Variants in PACS2 observed in about 807,000 individuals in gnomAD.
PACS2 encodes PACS1-like protein.
In PACS2, 36 loss-of-function variants were observed where a neutral mutation model predicts 113.0. The observed-to-expected ratio is 0.32, with a 90% CI of 0.24 to 0.42. The LOEUF (loss-of-function observed/expected upper bound fraction) is 0.42, where lower values mean the gene tolerates loss of function less well. Ranked by LOEUF, PACS2 falls within the 10% of genes least tolerant of loss-of-function variation. The pLI is 1.00. For synonymous variants in PACS2, 589 were observed against 536.1 expected, an observed-to-expected ratio of 1.10 and a Z score of -1.36; for missense variants, 1,015 against 1,239.5, an observed-to-expected ratio of 0.82 and a Z score of 2.72.
intron 8 of PACS2, among the ~76,000 whole-genome samples, chr14:105,375,799 G>A (rs1490884705): frequency 6.6e-6 from 1 of 152,206 alleles, no homozygotes; most frequent in Non-Finnish European, 1.5e-5. Context: ...ACACACACAT[G>A]CATGGACCCA....
At position 105,367,239 on chromosome 14, in the gene PACS2, C is replaced by T. The variant is rs2060972833; in HGVS notation, c.450C>T (p.Gly150=). 1 of 1,613,066 alleles carries T rather than the reference C, an allele frequency of 6.2e-7. No homozygotes were observed. The highest frequency in any genetic ancestry group is 8.5e-7 in the Non-Finnish European group (1 of 1,179,980). ...TGATGCAACACCCGTCTGAAGGTGG[C>T]CAGGTGCTGAGCCTCTGCAGCAGCA... ...AEVMQHPSEG[G]QVLSLCSSIK... The change falls in exon 5 of 25, where the codon GGC becomes GGT. Residue 150 remains glycine (G), a synonymous_variant. Transcript: ENST00000447393.
rs1455137682 is a variant in PACS2 at position 105,333,064 on chromosome 14, CT to C, written c.120-15428del. Among the ~76,000 whole-genome samples, 3 of 152,230 alleles carry C rather than the reference CT, an allele frequency of 2.0e-5. No homozygotes were observed. In the East Asian group the frequency reaches 5.8e-4, roughly 29 times the overall value. On this transcript the variant is annotated intron_variant, in intron 1 of 24. Coordinates refer to ENST00000447393, the MANE Select transcript of PACS2 (RefSeq NM_001100913.3). Reference sequence around the variant, plus strand: ...CCCTGGGGGTGGATGCAGACCGAGCCTGGGCCCATGTAGACCAACTGGCGTG... The same window carrying C: ...CCCTGGGGGTGGATGCAGACCGAGCCGGGCCCATGTAGACCAACTGGCGTG...
At chr14:105,326,487 G>A (rs1288653928) in intron 1 of PACS2, among the ~76,000 whole-genome samples, 7 of 152,248 alleles carry the variant, frequency 4.6e-5, no homozygotes, top group Admixed American at 3.3e-4. Context: ...TGGGCTGTTC[G>A]TTCCTCTGAG....
In PACS2 at chr14:105,395,778, G is replaced by A. The variant is rs2081512377; in HGVS notation, c.*1106G>A. On this transcript the variant is annotated 3_prime_UTR_variant, in exon 25 of 25. Transcript: ENST00000447393. ...CAGAGCGTGTTGGGTCCCATGTTGT[G>A]TGTGGGTTCCATGCCCTCCACACAG... 6.6e-6 allele frequency: 1 copy of A among 152,330 alleles called. No individual in the cohort carries two copies. The highest frequency in any genetic ancestry group is 6.5e-5 in the Admixed American group (1 of 15,288). 9.4% of individuals were successfully genotyped at this position (152,330 alleles called of 1,614,324 possible). A position where few individuals can be genotyped will look rare whatever the true frequency, so the allele number is the denominator to read the frequency against.
chr14:105,337,970 G>A (rs1018532860), intron 1 of PACS2, among the ~76,000 whole-genome samples: 3 of 152,240 alleles, frequency 2.0e-5, no homozygotes, highest in Non-Finnish European at 2.9e-5. Context: ...TCATGCACAG[G>A]AGTGGGTGGG....
chr14:105,393,939 G>A (rs1366537704), intron 24 of PACS2, among the ~76,000 whole-genome samples: 1 of 151,636 alleles, frequency 6.6e-6, no homozygotes, highest in Admixed American at 6.6e-5. Context: ...CGCAGAGGCT[G>A]AGGCAGGAGA....
chr14:105,383,915 G>A (rs2081082718), intron 16 of PACS2: 1 of 273,486 alleles, frequency 3.7e-6, no homozygotes, highest in African/African-American at 2.2e-5. Flanking sequence ...AATCGTCCAG[G>A]TCCTGTGTCG....
At chr14:105,372,901 CAAAAAAA>C (rs1194293617) in intron 8 of PACS2, 2 of 135,376 alleles carry the variant, frequency 1.5e-5, no homozygotes, top group Non-Finnish European at 3.2e-5. Context: ...GACTCCGTCT[CAAAAAAA>C]AAAGAAAAAA....
chr14:105,343,512 C>T lies in PACS2; in HGVS notation c.120-4981C>T, dbSNP rs587747953. 4.6e-5 allele frequency among the ~76,000 whole-genome samples: 7 copies of T among 152,282 alleles called. No individual in the cohort carries two copies. The South Asian group carries it at 6.2e-4, about 14-fold the overall frequency. On this transcript the variant is annotated intron_variant, in intron 1 of 24. Transcript: ENST00000447393. The stretch of plus-strand genomic sequence containing the variant: ...AAGTCCCAGTGGTTTTGCTTCCTCG[C>T]CAGCATTTGGTATTAGCTTTTTTTA...
chr14:105,368,612 G>A (rs1048900082), intron 7 of PACS2, 73 bp downstream of exon 7: 4 of 1,135,036 alleles, frequency 3.5e-6, no homozygotes, highest in African/African-American at 3.0e-5. Flanking sequence ...CTGGGCGTGG[G>A]GGGGACACGG....
chr14:105,394,823 C>G lies in PACS2; in HGVS notation c.*151C>G. ...AATGTGCTCACAACGTGGAAACTAA[C>G]GGGGGAGCTCCTGCCAGGAGCCGAA... On this transcript the variant is annotated 3_prime_UTR_variant, in exon 25 of 25. Transcript: ENST00000447393. 2 of 636,180 alleles carry G rather than the reference C, an allele frequency of 3.1e-6. No homozygotes were observed. The highest frequency in any genetic ancestry group is 1.8e-5 in the South Asian group (1 of 55,432). 39.4% of individuals were successfully genotyped at this position (636,180 alleles called of 1,614,324 possible). A position where few individuals can be genotyped will look rare whatever the true frequency, so the allele number is the denominator to read the frequency against.
intron 1 of PACS2, among the ~76,000 whole-genome samples, chr14:105,321,741 T>G (rs2058895444): frequency 6.6e-6 from 1 of 151,518 alleles, no homozygotes; most frequent in South Asian, 2.1e-4. Context: ...TGAACTTTTC[T>G]CATTGTATGA....
chr14:105,339,436 G>A (rs1333895353), intron 1 of PACS2, among the ~76,000 whole-genome samples: 1 of 151,764 alleles, frequency 6.6e-6, no homozygotes, highest in Non-Finnish European at 1.5e-5. Flanking sequence ...GAACCCGGGG[G>A]CAGAGGTTGC....
intron 4 of PACS2, among the ~76,000 whole-genome samples, chr14:105,364,674 C>T (rs2060881768): frequency 6.7e-6 from 1 of 150,246 alleles, no homozygotes; most frequent in African/African-American, 2.4e-5. Flanking sequence ...TTAAGTGTGA[C>T]ATCCTGAGCA....
intron 4 of PACS2, among the ~76,000 whole-genome samples, chr14:105,364,331 G>A (rs1376040334): frequency 7.8e-6 from 1 of 128,608 alleles, no homozygotes; most frequent in African/African-American, 4.1e-5. Context: ...GGTGGGCGGC[G>A]GCCCGGGGGT....
chr14:105,392,960 G>A (rs1555415381), intron 23 of PACS2, 115 bp downstream of exon 23: 2 of 814,052 alleles, frequency 2.5e-6, no homozygotes, highest in Admixed American at 2.2e-5. Flanking sequence ...CAGCCCACAT[G>A]CGCAGGCAGG....
chr14:105,362,186 C>T (rs143931049), intron 4 of PACS2, among the ~76,000 whole-genome samples: 21 of 150,276 alleles, frequency 1.4e-4, no homozygotes, highest in African/African-American at 4.9e-4. Context: ...TGGGAGGCCA[C>T]GGTGGGCGGA....
intron 1 of PACS2, among the ~76,000 whole-genome samples, chr14:105,343,900 A>G (rs1715637623): frequency 6.6e-6 from 1 of 151,646 alleles, no homozygotes; most frequent in Admixed American, 6.6e-5. Context: ...GAGTTCATAT[A>G]TTTATATATT....
intron 4 of PACS2, among the ~76,000 whole-genome samples, chr14:105,364,394 G>A (rs1365868185): frequency 4.6e-5 from 6 of 130,228 alleles, no homozygotes; most frequent in Admixed American, 1.5e-4. Flanking sequence ...CGCGGTGGGC[G>A]GTGTCCCGGG....
Sources: allele counts gnomAD v4.1 joint callset (sites outside exome capture counted in the v4.1 genomes callset), GRCh38; gene constraint gnomAD v4.1.1; transcripts MANE v1.5; gene names NCBI Gene and HGNC (gene_info 2026-07-23, HGNC 2026-07-21).